The following AAGAB variants were observed in gnomAD, a reference collection of about 807,000 sequenced individuals.
AAGAB encodes the protein alpha and gamma adaptin binding protein.
A neutral mutation model predicts 44.1 loss-of-function variants in AAGAB; 38 were observed. That is an observed-to-expected ratio of 0.86 (90% CI 0.67 to 1.13). The LOEUF (loss-of-function observed/expected upper bound fraction) is 1.13. Ranked by LOEUF, AAGAB falls within the 50% of genes most tolerant of loss-of-function variation. The pLI is 0.00. For synonymous variants in AAGAB, 131 were observed against 131.8 expected (o/e 0.99, Z 0.04); for missense variants, 450 against 373.8 (o/e 1.20, Z -1.68).
At chr15:67,230,887 C>T (rs1362752198) in intron 5 of AAGAB, among the ~76,000 whole-genome samples, 1 of 152,176 alleles carries the variant, frequency 6.6e-6, no homozygotes, top group Non-Finnish European at 1.5e-5. Context: ...AACCTCCCTG[C>T]ACACCACCTT....
At position 67,214,830 on chromosome 15, in the gene AAGAB, T is replaced by C. The variant is rs569138433; in HGVS notation, c.536-5286A>G. Among the ~76,000 whole-genome samples, 6 of 152,090 alleles carry C rather than the reference T, an allele frequency of 3.9e-5. No individual in the cohort carries two copies. The East Asian group carries it at 1.2e-3, about 29-fold the overall frequency. ...TAATTTTGTGTATTTTTAGTGGAGATGGGGTTTCACCGTGTTAGCCAGGAT... is the reference window on the plus strand; with the variant it reads ...TAATTTTGTGTATTTTTAGTGGAGACGGGGTTTCACCGTGTTAGCCAGGAT... On this transcript the variant is annotated intron_variant, in intron 5 of 9. Coordinates refer to ENST00000261880, the MANE Select transcript of AAGAB (RefSeq NM_024666.5).
rs768479452 is a variant in AAGAB at position 67,208,539 on chromosome 15, T to C, written c.715+23A>G. The C allele has an allele frequency of 2.5e-6, 4 of 1,603,524 alleles. No homozygotes were observed. In the South Asian group the frequency reaches 4.4e-5, roughly 18 times the overall value. On this transcript the variant is annotated intron_variant, in intron 7 of 9. Transcript: ENST00000261880. ...TTCCAAGTTGCACAAAGCTCTCTCT[T>C]GGCAGCCAAAGGAGGAACTTACCCA...
At chr15:67,253,216 G>T (rs775247463) in intron 1 of AAGAB, among the ~76,000 whole-genome samples, 87 of 150,386 alleles carry the variant, frequency 5.8e-4, no homozygotes, top group Non-Finnish European at 9.6e-4. Context: ...CTTGAGCCCG[G>T]GAGTTCCAGA....
intron 5 of AAGAB, among the ~76,000 whole-genome samples, chr15:67,218,266 G>C (rs16950776): frequency 0.21 from 31,809 of 152,118 alleles, 4,065 homozygotes; most frequent in East Asian, 0.47. Context: ...ATTGTTAAAA[G>C]ACCCACTGAA....
At chr15:67,203,716 C>A in intron 8 of AAGAB, 119 bp from the exon 9 acceptor site, 2 of 883,874 alleles carry the variant, frequency 2.3e-6, no homozygotes, top group Non-Finnish European at 3.5e-6. Flanking sequence ...GTAGTCATTA[C>A]ATGTATTAGG....
At chr15:67,245,526 T>C (rs1410598821) in intron 1 of AAGAB, among the ~76,000 whole-genome samples, 2 of 152,228 alleles carry the variant, frequency 1.3e-5, no homozygotes, top group Non-Finnish European at 2.9e-5. Context: ...GGAAATGTTC[T>C]ACAATCAGAT....
rs1476989920 is a variant in AAGAB, at chr15:67,200,680, C to T, written c.*2141G>A. 6.6e-6 allele frequency among the ~76,000 whole-genome samples: 1 copy of T among 152,170 alleles called. No homozygotes were observed. Among genetic ancestry groups the T allele is most frequent in the East Asian group, 1.9e-4 (1 of 5,198 alleles). ...AAACCAAGTCTCTTATTTTAAATTC[C>T]AGCTGGCAATTCTGTAACAACTTGT... On this transcript the variant is annotated 3_prime_UTR_variant, in exon 10 of 10. Coordinates refer to ENST00000261880, the MANE Select transcript of AAGAB (RefSeq NM_024666.5).
chr15:67,205,620 GGAATTGAT>G (rs1398541999), intron 7 of AAGAB, among the ~76,000 whole-genome samples: 1 of 152,202 alleles, frequency 6.6e-6, no homozygotes, highest in African/African-American at 2.4e-5. Context: ...GTTTCAAAGA[GGAATTGAT>G]CTGTAACACT....
In AAGAB at chr15:67,209,436, A is replaced by G. The variant is rs148522618; in HGVS notation, c.618+26T>C. 9.7e-4 allele frequency: 1,527 copies of G among 1,580,136 alleles called. 16 individuals are homozygous for G. In the African/African-American group the frequency reaches 0.019, roughly 20 times the overall value. ...AAGGAGAAATTAAAGCCAAAGAGGG[A>G]AAAAAGATCCAAGAAAAACCTTTAC... is the stretch of plus-strand genomic sequence containing the variant. On this transcript the variant is annotated intron_variant, in intron 6 of 9. Coordinates refer to ENST00000261880, the MANE Select transcript of AAGAB (RefSeq NM_024666.5).
Position 67,202,756 on chromosome 15 carries a change from G to T in AAGAB, c.*65C>A. On this transcript the variant is annotated 3_prime_UTR_variant, in exon 10 of 10. Transcript: ENST00000261880. ...GGCAATTTTGGCAAAATATGACTGG[G>T]CTGAGTAGAGAGGTATCTCAGAGAC... 1 of 1,537,444 alleles carries T rather than the reference G, an allele frequency of 6.5e-7. No individual in the cohort carries two copies. The highest frequency in any genetic ancestry group is 9.0e-7 in the Non-Finnish European group (1 of 1,110,534).
intron 4 of AAGAB, chr15:67,232,546 C>T: frequency 2.6e-6 from 1 of 389,094 alleles, no homozygotes; most frequent in South Asian, 2.2e-5. Flanking sequence ...GGGAAGGCAA[C>T]ACTACCTAAG....
At chr15:67,206,656 A>T (rs1963691874) in intron 7 of AAGAB, among the ~76,000 whole-genome samples, 1 of 152,224 alleles carries the variant, frequency 6.6e-6, no homozygotes, top group Admixed American at 6.5e-5. Context: ...TTATAACCCA[A>T]TACTATATTA....
At chr15:67,252,455 TA>T (rs896125075) in intron 1 of AAGAB, among the ~76,000 whole-genome samples, 2 of 152,186 alleles carry the variant, frequency 1.3e-5, no homozygotes, top group Non-Finnish European at 2.9e-5. Flanking sequence ...AAAAAATTTT[TA>T]AAAACAGAAA....
At chr15:67,230,552 C>T (rs1340700946) in intron 5 of AAGAB, among the ~76,000 whole-genome samples, 1 of 152,202 alleles carries the variant, frequency 6.6e-6, no homozygotes, top group Non-Finnish European at 1.5e-5. Context: ...TGAAACAGAT[C>T]CTTCCCCGGC....
chr15:67,219,854 C>A (rs1964029444), intron 5 of AAGAB, among the ~76,000 whole-genome samples: 1 of 152,168 alleles, frequency 6.6e-6, no homozygotes, highest in Non-Finnish European at 1.5e-5. Flanking sequence ...TTATATCTAT[C>A]AGGAAAATTT....
chr15:67,226,085 T>C (rs891963931), intron 5 of AAGAB, among the ~76,000 whole-genome samples: 3 of 152,148 alleles, frequency 2.0e-5, no homozygotes, highest in Non-Finnish European at 2.9e-5. Context: ...TGGTATTTCA[T>C]TGTTGTGATT....
chr15:67,228,077 G>A (rs1215359750), intron 5 of AAGAB, among the ~76,000 whole-genome samples: 2 of 152,076 alleles, frequency 1.3e-5, no homozygotes, highest in African/African-American at 4.8e-5. Context: ...CATTTTTTCA[G>A]GAAACACATT....
At chr15:67,203,950 G>A (rs975548724) in intron 8 of AAGAB, 94 bp downstream of exon 8, 2 of 773,748 alleles carry the variant, frequency 2.6e-6, no homozygotes, top group Non-Finnish European at 4.2e-6. Flanking sequence ...CCAGAACAAG[G>A]AATCCAATCC....
chr15:67,232,896 TAAAC>T (rs1964374175), intron 4 of AAGAB: 2 of 157,500 alleles, frequency 1.3e-5, no homozygotes, highest in African/African-American at 4.8e-5. Context: ...AGAAGATTAA[TAAAC>T]TAAAAACTTT....
Sources: allele counts gnomAD v4.1 joint callset (sites outside exome capture counted in the v4.1 genomes callset), GRCh38; gene constraint gnomAD v4.1.1; transcripts MANE v1.5; gene names NCBI Gene and HGNC (gene_info 2026-07-23, HGNC 2026-07-21).